HSPG2: variants seen among roughly 807,000 people sequenced by gnomAD.
HSPG2 encodes heparan sulfate proteoglycan 2.
HSPG2 carries 278 observed loss-of-function variants against 526.6 expected under a neutral mutation model. The observed-to-expected ratio is 0.53, with a 90% CI of 0.48 to 0.58. HSPG2 has a LOEUF of 0.58. HSPG2 is among the 20% of genes least tolerant of loss of function. The pLI is 0.00. For synonymous variants in HSPG2, 2,465 were observed against 2,555.4 expected, an observed-to-expected ratio of 0.96 and a Z score of 1.07; for missense variants, 5,354 against 6,099.5, an observed-to-expected ratio of 0.88 and a Z score of 4.07.
At chr1:21,878,097 C>T in intron 21 of HSPG2, 89 bp downstream of exon 21, 1 of 1,228,392 alleles carries the variant, frequency 8.1e-7, no homozygotes, top group Non-Finnish European at 1.2e-6. Context: ...GGCCAAGGAT[C>T]TATGGAGAGG....
At chr1:21,896,122 A>G in intron 2 of HSPG2, 53 bp downstream of exon 2, 1 of 1,612,374 alleles carries the variant, frequency 6.2e-7, no homozygotes, top group Non-Finnish European at 8.5e-7. Context: ...AGTGGGAAGA[A>G]GCACAGTCTC....
chr1:21,875,102 C>A, intron 25 of HSPG2, 100 bp from the exon 26 acceptor site: 1 of 875,610 alleles, frequency 1.1e-6, no homozygotes, highest in Non-Finnish European at 1.9e-6. Context: ...TCCCGACAGC[C>A]CTGTCACAGT....
chr1:21,916,071 G>GA (rs1027701117), intron 1 of HSPG2, among the ~76,000 whole-genome samples: 8 of 122,468 alleles, frequency 6.5e-5, no homozygotes, highest in Non-Finnish European at 9.6e-5. Flanking sequence ...AGAAGAAGAA[G>GA]AAAAAAAAAA....
Position 21,872,549 on chromosome 1 carries a change from C to T in HSPG2, c.4029+71G>A. ...AGGCGGGGATGAGGGTCGCTGGGCT[C>T]AGTGCTCAGATGGACAGTAACAGGC... On this transcript the variant is annotated intron_variant, in intron 32 of 96. Coordinates refer to ENST00000374695, the MANE Select transcript of HSPG2 (RefSeq NM_005529.7). The surrounding 1 kb of genome is among the most constrained non-coding windows in gnomAD (Gnocchi z 5.5). 1 of 1,535,910 alleles carries T rather than the reference C, an allele frequency of 6.5e-7. No homozygotes were observed. The highest frequency in any genetic ancestry group is 8.8e-7 in the Non-Finnish European group (1 of 1,134,002).
intron 3 of HSPG2, among the ~76,000 whole-genome samples, chr1:21,894,999 G>A (rs1314099254): frequency 6.6e-6 from 1 of 152,208 alleles, no homozygotes; most frequent in African/African-American, 2.4e-5. Flanking sequence ...CACTGACCCA[G>A]TTAGGATGCT....
chr1:21,934,224 C>T (rs1644422855), intron 1 of HSPG2, among the ~76,000 whole-genome samples: 1 of 152,268 alleles, frequency 6.6e-6, no homozygotes, highest in African/African-American at 2.4e-5. Flanking sequence ...CACCCTGCTG[C>T]TGTGCCCAAC....
intron 13 of HSPG2, among the ~76,000 whole-genome samples, chr1:21,883,618 C>G (rs552556755): frequency 2.2e-4 from 34 of 152,346 alleles, no homozygotes; most frequent in Non-Finnish European, 4.1e-4. Context: ...AGCCACCATG[C>G]CTGGCCAGGT....
rs771639120 is a variant in HSPG2 at position 21,895,960 on chromosome 1, A to G, written c.206T>C (p.Leu69Pro). 12 of 1,614,016 alleles carry G rather than the reference A, an allele frequency of 7.4e-6. No individual in the cohort carries two copies. The highest frequency in any genetic ancestry group is 1.0e-5 in the Non-Finnish European group (12 of 1,179,980). The change falls in exon 3 of 97, where the codon CTG (leucine) becomes CCG (proline). Residue 69 changes from leucine to proline, a missense_variant. Physicochemically the swap from Leu to Pro is moderately conservative, Grantham distance 98 (BLOSUM62 -3). Transcript: ENST00000374695. This position sits in a 1 kb window ranked among gnomAD's most constrained non-coding sequence, Gnocchi z 4.1. ...MLADSISGDD[L>P]GSGDLGSGDF... ...CCCGCTGCCCAGGTCCCCACTGCCC[A>G]GGTCGTCTATAAGCAAAAAAGAGAT...
rs957654042 is a variant in HSPG2, at chr1:21,898,235, T to A, written c.64-1925A>T. Reference sequence around the variant, plus strand: ...TGGATGGGGGAGTGGCTGGGTGCCATTTGTTCATCTTTGTGTTTGCGGTGC... The same window carrying A: ...TGGATGGGGGAGTGGCTGGGTGCCAATTGTTCATCTTTGTGTTTGCGGTGC... On this transcript the variant is annotated intron_variant, in intron 1 of 96. Coordinates refer to ENST00000374695, the MANE Select transcript of HSPG2 (RefSeq NM_005529.7). This position sits in a 1 kb window ranked among gnomAD's most constrained non-coding sequence, Gnocchi z 4.0. Among the ~76,000 whole-genome samples the A allele has an allele frequency of 6.6e-6, 1 of 152,078 alleles. No individual in the cohort carries two copies. The highest frequency in any genetic ancestry group is 1.5e-5 in the Non-Finnish European group (1 of 67,998).
At position 21,837,039 on chromosome 1, in the gene HSPG2, A is replaced by ATG. The variant is rs1370860943; in HGVS notation, c.10151-35_10151-34dup. 3.3e-6 allele frequency: 5 copies of ATG among 1,533,602 alleles called. No homozygotes were observed. The African/African-American group carries it at 6.9e-5, about 21-fold the overall frequency. The allele number at this position is 1,533,602 out of a possible 1,614,324, so 95.0% of individuals were successfully genotyped here. On this transcript the variant is annotated intron_variant, in intron 74 of 96. Transcript: ENST00000374695. ...GACATGTATGAGGTTCTGCAGGTAT[A>ATG]TGTGTGTGTGATGTCCCTGATGCCC... is the stretch of plus-strand genomic sequence containing the variant.
In HSPG2 at chr1:21,911,685, C is replaced by T. The variant is rs570122605; in HGVS notation, c.64-15375G>A. ...GGGCCCCCGTGGGGAGGTGCAGGGC[C>T]GGGAGGGAGGGAGTCCTGAAGAGGC... On this transcript the variant is annotated intron_variant, in intron 1 of 96. Coordinates refer to ENST00000374695, the MANE Select transcript of HSPG2 (RefSeq NM_005529.7). Among the ~76,000 whole-genome samples, 152 of 152,242 alleles carry T rather than the reference C, an allele frequency of 1.0e-3. 1 individual carries two copies. The highest frequency in any genetic ancestry group is 4.6e-3 in the Admixed American group (70 of 15,302).
chr1:21,878,566 C>A lies in HSPG2; in HGVS notation c.2558+11G>T, dbSNP rs554681098. On this transcript the variant is annotated intron_variant, in intron 19 of 96. Transcript: ENST00000374695. ...AGCCCCCTTCCTGCAGCCCCCAAGG[C>A]TCTCCCTCACCTCTCACAGCGGCGG... 1.5e-5 allele frequency: 24 copies of A among 1,614,128 alleles called. No individual in the cohort carries two copies. The South Asian group carries it at 2.5e-4, about 17-fold the overall frequency.
rs769890738 is a variant in HSPG2 at position 21,831,648 on chromosome 1, T to C, written c.11352+4A>G. ...GGAAGTAGCAGTATGGGGTTGGGTC[T>C]CACCTGGGAGGTCCCATTGACCGGG... On this transcript the variant is annotated splice_donor_region_variant and intron_variant, in intron 82 of 96. Transcript: ENST00000374695. 6.2e-7 allele frequency: 1 copy of C among 1,608,752 alleles called. No homozygotes were observed. Among genetic ancestry groups the C allele is most frequent in the South Asian group, 1.1e-5 (1 of 90,334 alleles).
At chr1:21,908,569 T>C (rs1643502236) in intron 1 of HSPG2, 2 of 779,582 alleles carry the variant, frequency 2.6e-6, no homozygotes, top group Non-Finnish European at 4.5e-6. Context: ...TCTCTATGAA[T>C]TCACGGCATA....
intron 39 of HSPG2, 143 bp from the exon 40 acceptor site, chr1:21,860,378 C>G (rs1639694057): frequency 2.9e-6 from 2 of 692,244 alleles, no homozygotes; most frequent in Non-Finnish European, 5.1e-6. Context: ...GGGGACCAGA[C>G]AGGCCCCAAC....
At chr1:21,856,043 G>A (rs556802789) in intron 44 of HSPG2, 131 bp from the exon 45 acceptor site, 337 of 1,267,102 alleles carry the variant, frequency 2.7e-4, no homozygotes, top group Non-Finnish European at 2.4e-4. Context: ...AGGAGCCAGA[G>A]GGAGCTTGGG....
intron 1 of HSPG2, chr1:21,908,038 T>C (rs374863494): frequency 1.4e-6 from 1 of 720,340 alleles, no homozygotes; most frequent in Admixed American, 1.8e-5. Flanking sequence ...ACATGGTGAA[T>C]GTTCTATAAG....
intron 81 of HSPG2, 101 bp from the exon 82 acceptor site, chr1:21,831,897 A>G: frequency 7.8e-7 from 1 of 1,274,124 alleles, no homozygotes; most frequent in Non-Finnish European, 1.1e-6. Flanking sequence ...GAGGGATGTC[A>G]CCACTTCCTG....
At chr1:21,874,282 A>T in intron 28 of HSPG2, 124 bp downstream of exon 28, 1 of 1,311,964 alleles carries the variant, frequency 7.6e-7, no homozygotes, top group Non-Finnish European at 1.1e-6. Context: ...ACCAAGTGAC[A>T]CTGAGCAGGC....
Sources: gnomAD v4.1 joint callset for allele counts (sites outside exome capture counted in the v4.1 genomes callset) on GRCh38, gnomAD v4.1.1 for gene constraint, Gnocchi (gnomAD v3.1) non-coding constraint, MANE v1.5 for transcripts, NCBI Gene and HGNC (gene_info 2026-07-23, HGNC 2026-07-21) for gene names.